Variants in CCDC15 observed in about 807,000 individuals in gnomAD.
CCDC15 encodes coiled-coil domain containing 15.
CCDC15 carries 105 observed loss-of-function variants against 114.5 expected under a neutral mutation model. The observed-to-expected ratio is 0.92, with a 90% CI of 0.78 to 1.08. CCDC15 has a LOEUF of 1.08. CCDC15 is among the 50% of genes least tolerant of loss of function. CCDC15 has a pLI of 0.00. For synonymous variants in CCDC15, 334 were observed against 377.8 expected (o/e 0.88, Z 1.34); for missense variants, 1,105 against 1,093.6 (o/e 1.01, Z -0.15).
chr11:125,039,934 C>T (rs998357512), intron 15 of CCDC15, among the ~76,000 whole-genome samples: 1 of 152,146 alleles, frequency 6.6e-6, no homozygotes, highest in South Asian at 2.1e-4. Flanking sequence ...CTTCATAACT[C>T]GTCTTAAGTG....
chr11:125,029,569 A>G (rs1298368403), intron 13 of CCDC15, among the ~76,000 whole-genome samples: 5 of 152,246 alleles, frequency 3.3e-5, no homozygotes, highest in Non-Finnish European at 7.3e-5. Context: ...ATGCACAAAC[A>G]TGTTTTTAAC....
chr11:125,011,248 A>ATTTTTTTTTTTT (rs71478462), intron 13 of CCDC15, among the ~76,000 whole-genome samples: 1 of 147,212 alleles, frequency 6.8e-6, no homozygotes, highest in African/African-American at 2.5e-5. Context: ...TATTATTATT[A>ATTTTTTTTTTTT]TTTTTTAAGA....
chr11:124,959,820 A>C lies in CCDC15; in HGVS notation c.333A>C (p.Gln111His), dbSNP rs1319594742. ...QQLQKSYERA[Q>H]KEGSIAMQSS... ...CCCTTTCTTCTTTCGTGTAGGCACA[A>C]AAAGAAGGCTCCATAGCCATGCAGT... Residue 111 changes from glutamine (Q) to histidine (H), a missense_variant, in exon 4 of 16, where the codon CAA becomes CAC. By Grantham distance (24) the Gln-to-His change is conservative. Transcript: ENST00000344762. The C allele has an allele frequency of 3.8e-6, 6 of 1,593,446 alleles. No homozygotes were observed. In the African/African-American group the frequency reaches 8.1e-5, roughly 21 times the overall value.
chr11:125,003,872 T>C lies in CCDC15; in HGVS notation c.2220T>C (p.Tyr740=). 1 of 1,558,250 alleles carries C rather than the reference T, an allele frequency of 6.4e-7. No individual in the cohort carries two copies. The highest frequency in any genetic ancestry group is 8.7e-7 in the Non-Finnish European group (1 of 1,155,830). Reference sequence around the variant, plus strand: ...TGACTGGACCTTCTTAACAGGCTTATGATAGGTATCAATCAGGATTGAGCA... The same window carrying C: ...TGACTGGACCTTCTTAACAGGCTTACGATAGGTATCAATCAGGATTGAGCA... ...RGNTPGVPLA[Y]DRYQSGLSTE... is the part of the protein sequence containing the mutation. Residue 740 remains tyrosine, a synonymous_variant, in exon 12 of 16, where the codon TAT becomes TAC. Coordinates refer to ENST00000344762, the MANE Select transcript of CCDC15 (RefSeq NM_025004.3).
At chr11:125,007,428 C>A (rs1360990229) in intron 13 of CCDC15, among the ~76,000 whole-genome samples, 1 of 152,066 alleles carries the variant, frequency 6.6e-6, no homozygotes, top group Non-Finnish European at 1.5e-5. Flanking sequence ...TTTTTATGGC[C>A]GAATAGTATT....
At chr11:124,998,740 T>A (rs1224183245) in intron 11 of CCDC15, among the ~76,000 whole-genome samples, 1 of 148,966 alleles carries the variant, frequency 6.7e-6, no homozygotes, top group East Asian at 1.9e-4. Flanking sequence ...GTCTCTACTT[T>A]TTTTTTTTTT....
At chr11:124,974,946 CA>C in intron 4 of CCDC15, 149 bp from the exon 5 acceptor site, 2 of 514,204 alleles carry the variant, frequency 3.9e-6, no homozygotes, top group Non-Finnish European at 3.5e-6. Flanking sequence ...ACACTATCAG[CA>C]CATCAAAGTC....
At chr11:124,990,714 G>T (rs939131864) in intron 8 of CCDC15, among the ~76,000 whole-genome samples, 1 of 152,124 alleles carries the variant, frequency 6.6e-6, no homozygotes, top group East Asian at 1.9e-4. Flanking sequence ...ACTCTACCCA[G>T]ATTTTGTGAA....
chr11:124,965,777 T>G (rs1161031268), intron 4 of CCDC15, among the ~76,000 whole-genome samples: 1 of 152,234 alleles, frequency 6.6e-6, no homozygotes, highest in Non-Finnish European at 1.5e-5. Flanking sequence ...TGTGGGCATT[T>G]AGTGCTATAA....
intron 13 of CCDC15, among the ~76,000 whole-genome samples, chr11:125,036,724 T>C (rs1948776936): frequency 6.6e-6 from 1 of 152,108 alleles, no homozygotes; most frequent in African/African-American, 2.4e-5. Context: ...TCACTAATTC[T>C]TTCTTCTGCT....
At chr11:125,035,123 T>G (rs1948767160) in intron 13 of CCDC15, among the ~76,000 whole-genome samples, 3 of 152,232 alleles carry the variant, frequency 2.0e-5, no homozygotes, top group Admixed American at 1.3e-4. Flanking sequence ...GCCAGTCTAG[T>G]CTATTCACGT....
At chr11:125,026,265 C>T (rs1415680138) in intron 13 of CCDC15, among the ~76,000 whole-genome samples, 1 of 152,194 alleles carries the variant, frequency 6.6e-6, no homozygotes, top group Non-Finnish European at 1.5e-5. Flanking sequence ...GACGATTCCC[C>T]TCTGGCTAGG....
At chr11:124,958,321 T>A (rs541779628) in intron 2 of CCDC15, among the ~76,000 whole-genome samples, 31 of 152,098 alleles carry the variant, frequency 2.0e-4, no homozygotes, top group African/African-American at 6.7e-4. Context: ...TGCGACCCAA[T>A]GTAAATTAAT....
In CCDC15 at chr11:125,017,349, C is replaced by T. The variant is rs1050759873; in HGVS notation, c.2411+12137C>T. ...TAACCAGTGGGGAAGCAGATAAATA[C>T]GGTCATGCACCACATAAAGATGTTT... On this transcript the variant is annotated intron_variant, in intron 13 of 15. Coordinates refer to ENST00000344762, the MANE Select transcript of CCDC15 (RefSeq NM_025004.3). 7.9e-5 allele frequency among the ~76,000 whole-genome samples: 12 copies of T among 152,030 alleles called. 1 individual carries two copies. The East Asian group carries it at 9.6e-4, about 12-fold the overall frequency.
chr11:125,033,246 A>G (rs1948753260), intron 13 of CCDC15, among the ~76,000 whole-genome samples: 1 of 152,212 alleles, frequency 6.6e-6, no homozygotes, highest in African/African-American at 2.4e-5. Flanking sequence ...GATTCCTATC[A>G]ATTTCACTTC....
chr11:124,978,818 ATT>A (rs35083057), intron 6 of CCDC15, among the ~76,000 whole-genome samples: 4 of 148,618 alleles, frequency 2.7e-5, no homozygotes, highest in African/African-American at 9.9e-5. Context: ...CCCATTTGTC[ATT>A]TTTTTTTTTG....
intron 12 of CCDC15, among the ~76,000 whole-genome samples, chr11:125,004,700 GT>G (rs1280520407): frequency 1.3e-5 from 2 of 152,004 alleles, no homozygotes; most frequent in Admixed American, 1.3e-4. Context: ...TCCGTGCCAT[GT>G]TAGGCTAGGC....
At chr11:125,039,205 A>G (rs985689940) in intron 15 of CCDC15, 136 bp downstream of exon 15, 9 of 705,638 alleles carry the variant, frequency 1.3e-5, no homozygotes, top group South Asian at 4.5e-5. Context: ...CAAAATAACT[A>G]TATGAGGCAG....
In CCDC15 at chr11:124,987,281, G is replaced by C. The variant is rs888467095; in HGVS notation, c.1055G>C (p.Gly352Ala). 2.5e-5 allele frequency: 40 copies of C among 1,596,152 alleles called. No homozygotes were observed. In the East Asian group the frequency reaches 8.9e-4, roughly 36 times the overall value. ...CTGGAAACCCAGGGTGATTTGACAGGAATCCAGAGTGTTAAGCCAGATACC... is the reference window on the plus strand; with the variant it reads ...CTGGAAACCCAGGGTGATTTGACAGCAATCCAGAGTGTTAAGCCAGATACC... ...DLLETQGDLT[G>A]IQSVKPDTQA... is the part of the protein sequence containing the mutation. Residue 352 changes from glycine (G) to alanine (A), a missense_variant, in exon 8 of 16, where the codon GGA becomes GCA. Physicochemically the swap from Gly to Ala is moderately conservative, Grantham distance 60. Transcript: ENST00000344762.
Sources: gnomAD v4.1 joint callset for allele counts (sites outside exome capture counted in the v4.1 genomes callset) on GRCh38, gnomAD v4.1.1 for gene constraint, MANE v1.5 for transcripts, NCBI Gene and HGNC (gene_info 2026-07-23, HGNC 2026-07-21) for gene names.